Variants in KDM4C observed in about 807,000 individuals in gnomAD.
KDM4C encodes lysine demethylase 4C.
In KDM4C, 81 loss-of-function variants were observed where a neutral mutation model predicts 129.3. That is an observed-to-expected ratio of 0.63 (90% confidence interval 0.52 to 0.75). KDM4C has a LOEUF of 0.75. Ranked by LOEUF, KDM4C falls within the 30% of genes least tolerant of loss-of-function variation. KDM4C has a pLI of 0.00. For missense variants in KDM4C, 1,457 were observed against 1,304.0 expected, an observed-to-expected ratio of 1.12 and a Z score of -1.81; for synonymous variants, 573 against 456.1, an observed-to-expected ratio of 1.26 and a Z score of -3.26.
At chr9:6,766,771 T>G (rs1048608499) in intron 1 of KDM4C, among the ~76,000 whole-genome samples, 1 of 151,578 alleles carries the variant, frequency 6.6e-6, no homozygotes, top group Non-Finnish European at 1.5e-5. Context: ...GAACAGGATT[T>G]TTTTTTTTTT....
At chr9:7,005,838 C>G (rs1330226532) in intron 12 of KDM4C, among the ~76,000 whole-genome samples, 3 of 152,162 alleles carry the variant, frequency 2.0e-5, no homozygotes, top group African/African-American at 7.2e-5. Flanking sequence ...AATCATCACC[C>G]AACCAAGACT....
chr9:6,814,620 A>G lies in KDM4C; in HGVS notation c.321-11A>G. On this transcript the variant is annotated splice_polypyrimidine_tract_variant and intron_variant, in intron 3 of 21. Transcript: ENST00000381309. Reference sequence around the variant, plus strand: ...ACTGGTTTGTACATTTTTGTCATCTACCTTTTACAGATATTGTACTCCAAG... The same window carrying G: ...ACTGGTTTGTACATTTTTGTCATCTGCCTTTTACAGATATTGTACTCCAAG... The G allele has an allele frequency of 6.5e-7, 1 of 1,534,030 alleles. No individual in the cohort carries two copies. The highest frequency in any genetic ancestry group is 8.9e-7 in the Non-Finnish European group (1 of 1,118,430).
intron 17 of KDM4C, among the ~76,000 whole-genome samples, chr9:7,068,788 C>T (rs565997441): frequency 9.3e-5 from 14 of 150,504 alleles, no homozygotes; most frequent in Admixed American, 3.3e-4. Context: ...CCTCCTTCTC[C>T]CAGGTTCAAG....
At chr9:6,978,522 C>A (rs1563922145) in intron 8 of KDM4C, 2 of 152,136 alleles carry the variant, frequency 1.3e-5, no homozygotes, top group African/African-American at 4.8e-5. Flanking sequence ...TTTGTTAGGG[C>A]TGTTGTAATA....
chr9:6,856,858 C>T (rs183093606), intron 5 of KDM4C, among the ~76,000 whole-genome samples: 4,047 of 150,672 alleles, frequency 0.027, 85 homozygotes, highest in Non-Finnish European at 0.042. Context: ...CCCGGGTTCA[C>T]GCCATTCTCC....
At chr9:7,073,867 C>T (rs890474157) in intron 17 of KDM4C, among the ~76,000 whole-genome samples, 2 of 152,128 alleles carry the variant, frequency 1.3e-5, no homozygotes, top group African/African-American at 4.8e-5. Context: ...CTAAAAGCCT[C>T]AGAGAGGTGC....
At chr9:6,841,840 T>C (rs559217572) in intron 4 of KDM4C, among the ~76,000 whole-genome samples, 1 of 152,230 alleles carries the variant, frequency 6.6e-6, no homozygotes, top group Non-Finnish European at 1.5e-5. Flanking sequence ...AGACCTTCCC[T>C]GCCATTCTGC....
At chr9:6,963,824 G>A (rs1190651499) in intron 8 of KDM4C, among the ~76,000 whole-genome samples, 1 of 152,118 alleles carries the variant, frequency 6.6e-6, no homozygotes, top group East Asian at 1.9e-4. Flanking sequence ...ACTTGATGGT[G>A]TTTCCGCCAC....
chr9:6,732,388 AAAAAAAAAAAAAAGAAT>A (rs1588039441), intron 1 of KDM4C, among the ~76,000 whole-genome samples: 1 of 144,908 alleles, frequency 6.9e-6, no homozygotes, highest in Non-Finnish European at 1.5e-5. Context: ...AAAAAAAAAA[AAAAAAAAAAAAAAGAAT>A]GAGGCCGGAA....
At chr9:6,890,811 A>T (rs1344018422) in intron 7 of KDM4C, among the ~76,000 whole-genome samples, 2 of 152,160 alleles carry the variant, frequency 1.3e-5, no homozygotes, top group African/African-American at 4.8e-5. Context: ...ATAAGAAAGA[A>T]GCACCTAGAT....
chr9:6,725,696 C>G (rs1312556733), intron 1 of KDM4C, among the ~76,000 whole-genome samples: 2 of 127,850 alleles, frequency 1.6e-5, no homozygotes, highest in African/African-American at 6.0e-5. Context: ...TCTTTCTTTT[C>G]TTTTCTTTTC....
chr9:6,925,714 T>A, intron 8 of KDM4C: 1 of 781,166 alleles, frequency 1.3e-6, no homozygotes, highest in Non-Finnish European at 1.6e-6. Context: ...TTTCTTTTTT[T>A]CATTAGCCCT....
chr9:6,815,442 T>G (rs1395031894), intron 4 of KDM4C, among the ~76,000 whole-genome samples: 1 of 152,180 alleles, frequency 6.6e-6, no homozygotes, highest in Non-Finnish European at 1.5e-5. Context: ...CTTGAACTCC[T>G]GAGCTCAAGA....
intron 1 of KDM4C, among the ~76,000 whole-genome samples, chr9:6,738,742 A>C (rs935989597): frequency 6.6e-6 from 1 of 151,720 alleles, no homozygotes; most frequent in Non-Finnish European, 1.5e-5. Flanking sequence ...ACCACGCCCA[A>C]CTAATTTTTC....
At chr9:6,862,030 C>T (rs1195002478) in intron 5 of KDM4C, among the ~76,000 whole-genome samples, 19 of 152,048 alleles carry the variant, frequency 1.2e-4, no homozygotes, top group Non-Finnish European at 2.6e-4. Flanking sequence ...CTTTGGCCTC[C>T]CAAAGTGCTG....
chr9:7,142,159 T>C lies in KDM4C; in HGVS notation c.2781+13923T>C, dbSNP rs117190063. On this transcript the variant is annotated intron_variant, in intron 19 of 21. Coordinates refer to ENST00000381309, the MANE Select transcript of KDM4C (RefSeq NM_015061.6). ...CATATGTAGACTTGGCCTCACTATA[T>C]AGCTGATTCTAACGTCTCTTAATCC... is the stretch of plus-strand genomic sequence containing the variant. Among the ~76,000 whole-genome samples, 1,018 of 152,366 alleles carry C rather than the reference T, an allele frequency of 6.7e-3. 10 individuals carry two copies. Among genetic ancestry groups the C allele is most frequent in the South Asian group, 0.036 (172 of 4,818 alleles).
chr9:7,021,150 A>G lies in KDM4C; in HGVS notation c.2259+5221A>G, dbSNP rs200518107. ...TGTGTGTGTGTGTGTGTATATATAT[A>G]TATGTATTTTTTTTTTTTTGAGATG... On this transcript the variant is annotated intron_variant, in intron 15 of 21. Coordinates refer to ENST00000381309, the MANE Select transcript of KDM4C (RefSeq NM_015061.6). Among the ~76,000 whole-genome samples, 902 of 129,012 alleles carry G rather than the reference A, an allele frequency of 7.0e-3. 10 individuals carry two copies. The highest frequency in any genetic ancestry group is 0.022 in the African/African-American group (784 of 36,166). 84.6% of individuals were successfully genotyped at this position (129,012 alleles called of 152,430 possible). A position where few individuals can be genotyped will look rare whatever the true frequency, so the allele number is the denominator to read the frequency against.
At chr9:6,826,639 G>C (rs1035819603) in intron 4 of KDM4C, among the ~76,000 whole-genome samples, 1 of 152,128 alleles carries the variant, frequency 6.6e-6, no homozygotes, top group Non-Finnish European at 1.5e-5. Context: ...GCCAAGGTGG[G>C]TGGATCACCT....
At chr9:6,728,862 C>G (rs1817231020) in intron 1 of KDM4C, among the ~76,000 whole-genome samples, 1 of 150,848 alleles carries the variant, frequency 6.6e-6, no homozygotes, top group African/African-American at 2.4e-5. Context: ...CAAAACAAAA[C>G]AAACAAAAAG....
Sources: gnomAD v4.1 joint callset for allele counts (sites outside exome capture counted in the v4.1 genomes callset) on GRCh38, gnomAD v4.1.1 for gene constraint, MANE v1.5 for transcripts, NCBI Gene and HGNC (gene_info 2026-07-23, HGNC 2026-07-21) for gene names.